The following TRMT9B variants were observed in gnomAD, a reference collection of about 807,000 sequenced individuals.
TRMT9B encodes probable tRNA methyltransferase 9B.
TRMT9B carries 16 observed loss-of-function variants against 11.5 expected under a neutral mutation model. That is an observed-to-expected ratio of 1.39 (90% CI 0.94 to 2.11). The LOEUF is 2.11. Among genes scored for constraint, TRMT9B ranks in the 30% most tolerant of loss-of-function variants. The pLI is 0.00. For synonymous variants in TRMT9B, 274 were observed against 192.4 expected (o/e 1.42, Z -3.51); for missense variants, 941 against 553.8 (o/e 1.70, Z -7.02).
intron 2 of TRMT9B, among the ~76,000 whole-genome samples, chr8:12,998,551 T>C (rs1205867277): frequency 6.6e-6 from 1 of 152,226 alleles, no homozygotes; most frequent in Non-Finnish European, 1.5e-5. Context: ...CAGGGCTAAG[T>C]GCTTACAGCC....
chr8:12,947,863 G>C (rs7015877), intron 1 of TRMT9B, among the ~76,000 whole-genome samples: 5,265 of 152,288 alleles, frequency 0.035, 308 homozygotes, highest in African/African-American at 0.12. Flanking sequence ...TTTGGAAAGT[G>C]TGCAGCCTAT....
At position 13,016,678 on chromosome 8, in the gene TRMT9B, G is replaced by A. The variant is rs73665510; in HGVS notation, c.328+3821G>A. Among the ~76,000 whole-genome samples, 831 of 151,812 alleles carry A rather than the reference G, an allele frequency of 5.5e-3. 4 individuals are homozygous for A. Among genetic ancestry groups the A allele is most frequent in the African/African-American group, 0.018 (758 of 41,368 alleles). On this transcript the variant is annotated intron_variant, in intron 4 of 4. Coordinates refer to ENST00000524591, the MANE Select transcript of TRMT9B (RefSeq NM_020844.3). ...AGTCTGATAAACATCCTAGGGAAAAGTGGTGGCGCATTAACATAGGAGCAA... is the reference window on the plus strand; with the variant it reads ...AGTCTGATAAACATCCTAGGGAAAAATGGTGGCGCATTAACATAGGAGCAA...
intron 3 of TRMT9B, chr8:13,010,458 C>T (rs919026286): frequency 1.6e-5 from 16 of 984,946 alleles, no homozygotes; most frequent in African/African-American, 3.5e-5. Flanking sequence ...TAGCTAAAGT[C>T]ATCAGCTGTT....
chr8:12,987,099 C>T (rs1471475186), intron 1 of TRMT9B, among the ~76,000 whole-genome samples: 2 of 152,198 alleles, frequency 1.3e-5, no homozygotes, highest in Non-Finnish European at 2.9e-5. Context: ...GCCTCCCTTT[C>T]TCCTCGCCAT....
chr8:12,972,670 AGGAGGGAGTGTTT>A (rs1318346806), intron 1 of TRMT9B, among the ~76,000 whole-genome samples: 2 of 152,080 alleles, frequency 1.3e-5, no homozygotes, highest in Non-Finnish European at 2.9e-5. Flanking sequence ...AGCGGTGTGT[AGGAGGGAGTGTTT>A]GGAGGGGAGA....
intron 1 of TRMT9B, among the ~76,000 whole-genome samples, chr8:12,980,699 C>G (rs1468025341): frequency 6.6e-6 from 1 of 152,118 alleles, no homozygotes; most frequent in Non-Finnish European, 1.5e-5. Context: ...CTACATGGGA[C>G]ACAAGAAAAG....
rs768481897 is a variant in TRMT9B at position 13,021,856 on chromosome 8, A to G, written c.1177A>G (p.Met393Val). The part of the protein sequence containing the change: ...DSTDFNPDDT[M>V]SVEDPQTDVL... ...CACAGATTTCAACCCAGATGATACAATGTCTGTCGAAGATCCACAGACTGA... is the reference window on the plus strand; with the variant it reads ...CACAGATTTCAACCCAGATGATACAGTGTCTGTCGAAGATCCACAGACTGA... The change falls in exon 5 of 5, where the codon ATG (methionine) becomes GTG (valine). Residue 393 changes from methionine (M) to valine (V), a missense_variant. Met to Val is a conservative substitution (Grantham distance 21, BLOSUM62 1). Coordinates refer to ENST00000524591, the MANE Select transcript of TRMT9B (RefSeq NM_020844.3). The G allele has an allele frequency of 6.2e-7, 1 of 1,613,866 alleles. No individual in the cohort carries two copies. The highest frequency in any genetic ancestry group is 2.2e-5 in the East Asian group (1 of 44,864).
intron 4 of TRMT9B, among the ~76,000 whole-genome samples, chr8:13,018,486 C>A (rs1212496165): frequency 6.6e-6 from 1 of 151,830 alleles, no homozygotes; most frequent in Non-Finnish European, 1.5e-5. Context: ...TGAAAAGAGA[C>A]CATTTTATTA....
chr8:12,957,939 A>T (rs553631777), intron 1 of TRMT9B, among the ~76,000 whole-genome samples: 1 of 152,228 alleles, frequency 6.6e-6, no homozygotes, highest in African/African-American at 2.4e-5. Context: ...ATTAAACCAT[A>T]ACTCCCCATC....
chr8:12,988,767 G>A (rs1022369361), intron 1 of TRMT9B, among the ~76,000 whole-genome samples: 1 of 152,114 alleles, frequency 6.6e-6, no homozygotes, highest in Admixed American at 6.5e-5. Context: ...TGAGATTTGG[G>A]TGGGGACACA....
In TRMT9B at chr8:13,023,611, C is replaced by G. The variant is rs898291625; in HGVS notation, c.*1567C>G. The G allele has an allele frequency of 2.4e-5, 4 of 167,034 alleles. No individual in the cohort carries two copies. Among genetic ancestry groups the G allele is most frequent in the Non-Finnish European group, 5.9e-5 (4 of 68,110 alleles). The allele number at this position is 167,034 out of a possible 1,614,324, so 10.3% of individuals were successfully genotyped here. On this transcript the variant is annotated 3_prime_UTR_variant, in exon 5 of 5. Transcript: ENST00000524591. The stretch of plus-strand genomic sequence containing the variant: ...CAGGAGAAGCAGAAATAAGTTGACC[C>G]AGGAGTACAGTCTCAAGTAGTTCAT...
chr8:12,968,571 A>C (rs1035919818), intron 1 of TRMT9B, among the ~76,000 whole-genome samples: 3 of 152,146 alleles, frequency 2.0e-5, no homozygotes, highest in Non-Finnish European at 4.4e-5. Flanking sequence ...CTGGAATCTT[A>C]AGAGAGTGAC....
intron 2 of TRMT9B, among the ~76,000 whole-genome samples, chr8:12,996,682 G>A (rs763172402): frequency 3.3e-5 from 5 of 152,166 alleles, no homozygotes; most frequent in Non-Finnish European, 7.4e-5. Context: ...CAAGGCAACT[G>A]CCTCAAAGCA....
rs769547437 is a variant in TRMT9B at position 13,012,665 on chromosome 8, G to A, written c.155-19G>A. ...TTTTCCATTGAGGATAGCATGTAAC[G>A]CAGGTTTTTCTCTTATAGGTTGTGG... On this transcript the variant is annotated intron_variant, in intron 3 of 4. Transcript: ENST00000524591. The A allele has an allele frequency of 5.6e-6, 9 of 1,596,188 alleles. No individual in the cohort carries two copies. Among genetic ancestry groups the A allele is most frequent in the African/African-American group, 2.7e-5 (2 of 74,472 alleles).
At chr8:12,958,457 A>T (rs560196517) in intron 1 of TRMT9B, 1 of 152,478 alleles carries the variant, frequency 6.6e-6, no homozygotes, top group East Asian at 1.9e-4. Context: ...ACTGCATCAG[A>T]TTGGTGCCCA....
At chr8:12,988,192 G>A (rs1054882805) in intron 1 of TRMT9B, among the ~76,000 whole-genome samples, 1 of 152,036 alleles carries the variant, frequency 6.6e-6, no homozygotes. Context: ...CCGTTTAGGT[G>A]TCAGCCCCTT....
intron 3 of TRMT9B, among the ~76,000 whole-genome samples, chr8:13,008,864 GACTACAGTTGCCCGCC>G (rs1435019956): frequency 1.3e-5 from 2 of 152,158 alleles, no homozygotes; most frequent in African/African-American, 4.8e-5. Context: ...TAGTAGCTGG[GACTACAGTTGCCCGCC>G]ACCACGCCCA....
At chr8:13,009,988 A>T (rs991326039) in intron 3 of TRMT9B, among the ~76,000 whole-genome samples, 1 of 152,086 alleles carries the variant, frequency 6.6e-6, no homozygotes, top group Non-Finnish European at 1.5e-5. Flanking sequence ...CAGTAAAAAT[A>T]ATTAGCTAAG....
Position 12,990,995 on chromosome 8 carries a change from CAA to C in TRMT9B, c.-37_-36del. On this transcript the variant is annotated 5_prime_UTR_variant, in exon 2 of 5. The change abolishes the stop of an existing upstream ORF in the 5' untranslated region. Transcript: ENST00000524591. ...TGGAGACTGCCGTGATTCACAAAGACAAGAGGTAATTTTCCTGTAATCACAGG... is the reference window on the plus strand; with the variant it reads ...TGGAGACTGCCGTGATTCACAAAGACGAGGTAATTTTCCTGTAATCACAGG... The C allele has an allele frequency of 7.8e-7, 1 of 1,280,220 alleles. No homozygotes were observed. The highest frequency in any genetic ancestry group is 2.2e-4 in the Middle Eastern group (1 of 4,640). 79.3% of individuals were successfully genotyped at this position (1,280,220 alleles called of 1,614,324 possible).
Sources: allele counts gnomAD v4.1 joint callset (sites outside exome capture counted in the v4.1 genomes callset), GRCh38; gene constraint gnomAD v4.1.1; transcripts MANE v1.5; gene names NCBI Gene and HGNC (gene_info 2026-07-23, HGNC 2026-07-21).